TTC28: variants seen among roughly 807,000 people sequenced by gnomAD.
TTC28 encodes tetratricopeptide repeat domain 28.
TTC28 carries 61 observed loss-of-function variants against 198.0 expected under a neutral mutation model. The observed-to-expected ratio is 0.31, with a 90% CI of 0.25 to 0.38. The LOEUF is 0.38. Among genes scored for constraint, TTC28 ranks in the 10% least tolerant of loss-of-function variants. The pLI, the probability that TTC28 is intolerant of heterozygous loss-of-function variation, is 1.00. For missense variants in TTC28, 2,678 were observed against 3,164.0 expected (o/e 0.85, Z 3.69); for synonymous variants, 1,171 against 1,297.8 (o/e 0.90, Z 2.10).
At chr22:28,552,735 G>A (rs1372747911) in intron 2 of TTC28, among the ~76,000 whole-genome samples, 1 of 151,136 alleles carries the variant, frequency 6.6e-6, no homozygotes, top group African/African-American at 2.4e-5. Context: ...AATTCAAGAT[G>A]GATCAAAGCC....
chr22:28,101,206 A>T lies in TTC28; in HGVS notation c.3382T>A (p.Trp1128Arg). ...GCCTCCTCCAAGTTTCCACTAGCCC[A>T]AAGGGAGAGGCCAAGGCCATGGCGA... is the stretch of plus-strand genomic sequence containing the variant. ...KIRHGLGLSL[W>R]ASGNLEEAQH... Residue 1128 changes from tryptophan (W) to arginine (R), a missense_variant, in exon 9 of 23, where the codon TGG becomes AGG. Physicochemically the swap from Trp to Arg is moderately radical, Grantham distance 101 (BLOSUM62 -3). Coordinates refer to ENST00000397906, the MANE Select transcript of TTC28 (RefSeq NM_001145418.2). 2 of 1,551,646 alleles carry T rather than the reference A, an allele frequency of 1.3e-6. No individual in the cohort carries two copies. The highest frequency in any genetic ancestry group is 1.7e-6 in the Non-Finnish European group (2 of 1,146,940).
intron 2 of TTC28, among the ~76,000 whole-genome samples, chr22:28,422,405 C>T (rs1170346395): frequency 6.6e-6 from 1 of 152,072 alleles, no homozygotes; most frequent in East Asian, 1.9e-4. Context: ...AAATTCTACA[C>T]AGTCTTCACG....
intron 1 of TTC28, among the ~76,000 whole-genome samples, chr22:28,651,039 G>A (rs1356866497): frequency 6.6e-6 from 1 of 152,160 alleles, no homozygotes; most frequent in Non-Finnish European, 1.5e-5. Flanking sequence ...GTGCTACAGT[G>A]GTGGGACTCA....
intron 13 of TTC28, among the ~76,000 whole-genome samples, chr22:28,024,959 G>A (rs1305153329): frequency 6.6e-6 from 1 of 152,186 alleles, no homozygotes; most frequent in African/African-American, 2.4e-5. Context: ...CCTTATTGGG[G>A]CCAGAAGCCA....
intron 12 of TTC28, among the ~76,000 whole-genome samples, chr22:28,034,465 G>A (rs552017005): frequency 5.3e-5 from 8 of 152,152 alleles, no homozygotes; most frequent in South Asian, 4.1e-4. Flanking sequence ...TCCTTCCCTC[G>A]TGGCTCTCTG....
intron 12 of TTC28, among the ~76,000 whole-genome samples, chr22:28,046,150 G>A (rs1939854376): frequency 6.6e-6 from 1 of 152,164 alleles, no homozygotes; most frequent in East Asian, 1.9e-4. Flanking sequence ...TAGTGAAAAT[G>A]CCATAGGCTA....
At chr22:28,307,391 C>T (rs2045167380) in intron 2 of TTC28, among the ~76,000 whole-genome samples, 1 of 151,944 alleles carries the variant, frequency 6.6e-6, no homozygotes, top group African/African-American at 2.4e-5. Context: ...TTTTAAGAAA[C>T]TACCATTTGT....
At chr22:28,424,809 G>C (rs911003122) in intron 2 of TTC28, among the ~76,000 whole-genome samples, 5 of 152,154 alleles carry the variant, frequency 3.3e-5, no homozygotes, top group African/African-American at 1.2e-4. Context: ...ACATCAGTCA[G>C]GAATAGCTGC....
intron 2 of TTC28, among the ~76,000 whole-genome samples, chr22:28,624,259 C>G (rs552255662): frequency 6.6e-6 from 1 of 151,818 alleles, no homozygotes; most frequent in Admixed American, 6.6e-5. Flanking sequence ...GTGCCTGTAG[C>G]CCCAGCTACT....
chr22:28,089,545 A>G lies in TTC28; in HGVS notation c.3932+4535T>C, dbSNP rs1181044646. Among the ~76,000 whole-genome samples the G allele has an allele frequency of 2.0e-5, 3 of 151,636 alleles. No homozygotes were observed. The East Asian group carries it at 5.9e-4, about 30-fold the overall frequency. On this transcript the variant is annotated intron_variant, in intron 12 of 22. Transcript: ENST00000397906. ...GGGGGGATGGGGGAGGGATAGCATT[A>G]GGAGATATACCTAATGCTTAATGAC...
At chr22:28,640,086 T>C (rs2051338651) in intron 1 of TTC28, among the ~76,000 whole-genome samples, 1 of 151,832 alleles carries the variant, frequency 6.6e-6, no homozygotes, top group Non-Finnish European at 1.5e-5. Context: ...GTGGGTAGAT[T>C]GCTTGAGCCC....
chr22:28,257,416 T>G (rs1396873859), intron 5 of TTC28, among the ~76,000 whole-genome samples: 1 of 152,062 alleles, frequency 6.6e-6, no homozygotes, highest in African/African-American at 2.4e-5. Context: ...TGGAATATTA[T>G]TCAGCCATAA....
chr22:28,088,459 T>C (rs986880109), intron 12 of TTC28, among the ~76,000 whole-genome samples: 8 of 152,134 alleles, frequency 5.3e-5, no homozygotes, highest in Admixed American at 1.3e-4. Context: ...TGGCTAGCCA[T>C]ATGTAGAAAG....
In TTC28 at chr22:28,528,629, G is replaced by A. The variant is rs536017712; in HGVS notation, c.381+100923C>T. Among the ~76,000 whole-genome samples the A allele has an allele frequency of 7.9e-5, 12 of 151,228 alleles. 1 individual carries two copies. Among genetic ancestry groups the A allele is most frequent in the African/African-American group, 9.7e-5 (4 of 41,218 alleles). ...CATGCACTTGTAGTCCGAGCTACTC[G>A]GGAGGCCAAGGCACGAGAACTGCTT... On this transcript the variant is annotated intron_variant, in intron 2 of 22. Coordinates refer to ENST00000397906, the MANE Select transcript of TTC28 (RefSeq NM_001145418.2).
At chr22:28,188,820 A>G (rs1412582917) in intron 5 of TTC28, among the ~76,000 whole-genome samples, 3 of 152,192 alleles carry the variant, frequency 2.0e-5, no homozygotes, top group Non-Finnish European at 2.9e-5. Context: ...GATTCCCCAA[A>G]TAAGAAAAAG....
At chr22:28,074,577 C>T (rs1941105264) in intron 12 of TTC28, among the ~76,000 whole-genome samples, 1 of 152,198 alleles carries the variant, frequency 6.6e-6, no homozygotes, top group Non-Finnish European at 1.5e-5. Context: ...CAGATTGGCC[C>T]CTGCCCTATG....
intron 2 of TTC28, among the ~76,000 whole-genome samples, chr22:28,364,902 T>C (rs2046222196): frequency 6.6e-6 from 1 of 152,228 alleles, no homozygotes; most frequent in East Asian, 1.9e-4. Context: ...ATTAAGGATT[T>C]AGAATATAAT....
intron 2 of TTC28, among the ~76,000 whole-genome samples, chr22:28,415,015 A>C (rs947336991): frequency 3.3e-5 from 5 of 152,232 alleles, no homozygotes; most frequent in African/African-American, 1.2e-4. Flanking sequence ...ACTGTATTCT[A>C]GTAAAATATC....
intron 2 of TTC28, among the ~76,000 whole-genome samples, chr22:28,482,401 G>C (rs941657934): frequency 6.6e-6 from 1 of 151,608 alleles, no homozygotes; most frequent in Admixed American, 6.6e-5. Flanking sequence ...GTAGAGACAG[G>C]GTTTCCCCGT....
Sources: gnomAD v4.1 joint callset for allele counts (sites outside exome capture counted in the v4.1 genomes callset) on GRCh38, gnomAD v4.1.1 for gene constraint, MANE v1.5 for transcripts, NCBI Gene and HGNC (gene_info 2026-07-23, HGNC 2026-07-21) for gene names.